CNTNAP2: variants seen among roughly 807,000 people sequenced by gnomAD.
The protein encoded by CNTNAP2 is contactin associated protein 2.
A neutral mutation model predicts 155.2 loss-of-function variants in CNTNAP2; 98 were observed. That is an observed-to-expected ratio of 0.63 (90% CI 0.54 to 0.75). The LOEUF (loss-of-function observed/expected upper bound fraction) is 0.75, where lower values mean the gene tolerates loss of function less well. CNTNAP2 is among the 30% of genes least tolerant of loss of function. The probability of loss-of-function intolerance (pLI) is 0.00; values close to 1 mark genes in which losing one functional copy is unlikely to be tolerated. For missense variants in CNTNAP2, 1,727 were observed against 1,688.1 expected (o/e 1.02, Z -0.40); for synonymous variants, 651 against 631.2 (o/e 1.03, Z -0.47).
intron 12 of CNTNAP2, among the ~76,000 whole-genome samples, chr7:147,627,249 C>T (rs1026184347): frequency 3.3e-5 from 5 of 152,134 alleles, no homozygotes; most frequent in African/African-American, 1.2e-4. Context: ...GGTAATGTAA[C>T]AAAACAAGGT....
At chr7:146,875,723 C>T (rs111614758) in intron 3 of CNTNAP2, among the ~76,000 whole-genome samples, 12 of 151,792 alleles carry the variant, frequency 7.9e-5, no homozygotes, top group African/African-American at 2.7e-4. Context: ...AACCCAGGTC[C>T]TTTATGACCT....
At chr7:148,358,850 T>C (rs868190815) in intron 21 of CNTNAP2, among the ~76,000 whole-genome samples, 10 of 152,186 alleles carry the variant, frequency 6.6e-5, no homozygotes, top group Admixed American at 1.3e-4. Context: ...GAATGTAAAT[T>C]GCTCAGCCTA....
intron 1 of CNTNAP2, among the ~76,000 whole-genome samples, chr7:146,145,482 G>A (rs1797945570): frequency 6.6e-6 from 1 of 152,224 alleles, no homozygotes. Flanking sequence ...AGACATTCGG[G>A]AAAGGTATTA....
intron 1 of CNTNAP2, among the ~76,000 whole-genome samples, chr7:146,165,386 C>T (rs957879275): frequency 1.3e-5 from 2 of 152,070 alleles, no homozygotes; most frequent in African/African-American, 4.8e-5. Flanking sequence ...ATGTTTGCTA[C>T]CAAACAGTCT....
chr7:146,149,689 G>A (rs949142902), intron 1 of CNTNAP2, among the ~76,000 whole-genome samples: 2 of 151,802 alleles, frequency 1.3e-5, no homozygotes, highest in African/African-American at 2.4e-5. Flanking sequence ...AGAAAACTTG[G>A]TATCCATATA....
intron 1 of CNTNAP2, among the ~76,000 whole-genome samples, chr7:146,247,761 T>G (rs1320268579): frequency 6.6e-6 from 1 of 151,842 alleles, no homozygotes; most frequent in East Asian, 1.9e-4. Context: ...TTAGGTCAGG[T>G]GAGAGGTGAA....
intron 3 of CNTNAP2, among the ~76,000 whole-genome samples, chr7:146,934,879 C>T (rs1435387577): frequency 6.6e-6 from 1 of 152,106 alleles, no homozygotes; most frequent in Non-Finnish European, 1.5e-5. Flanking sequence ...GAACAAATGC[C>T]ATGTAAACAG....
chr7:147,144,986 A>G (rs960763057), intron 8 of CNTNAP2, among the ~76,000 whole-genome samples: 5 of 152,220 alleles, frequency 3.3e-5, no homozygotes, highest in Admixed American at 6.5e-5. Flanking sequence ...TAATGTCTCC[A>G]TTTGCCACGT....
chr7:146,885,013 T>G (rs1795627907), intron 3 of CNTNAP2, among the ~76,000 whole-genome samples: 1 of 152,084 alleles, frequency 6.6e-6, no homozygotes, highest in Admixed American at 6.6e-5. Flanking sequence ...CTAATGAAAT[T>G]TTTTAAATGC....
intron 8 of CNTNAP2, among the ~76,000 whole-genome samples, chr7:147,198,232 C>CTTTTTTTTTTTTT (rs71525992): frequency 1.8e-5 from 2 of 113,094 alleles, no homozygotes; most frequent in Non-Finnish European, 3.5e-5. Flanking sequence ...TTCCAATATC[C>CTTTTTTTTTTTTT]TTTTTTTTTT....
intron 3 of CNTNAP2, among the ~76,000 whole-genome samples, chr7:146,937,075 C>T (rs1206527206): frequency 6.6e-6 from 1 of 151,998 alleles, no homozygotes; most frequent in East Asian, 1.9e-4. Flanking sequence ...AAAGTATGTT[C>T]TCACATCGAG....
chr7:147,362,823 G>A (rs906849370), intron 9 of CNTNAP2, among the ~76,000 whole-genome samples: 3 of 151,984 alleles, frequency 2.0e-5, no homozygotes, highest in Non-Finnish European at 4.4e-5. Context: ...AGAATTACTG[G>A]CATAATTTTT....
chr7:147,842,557 CTTTTT>C (rs1171642244), intron 13 of CNTNAP2, among the ~76,000 whole-genome samples: 1 of 87,582 alleles, frequency 1.1e-5, no homozygotes, highest in East Asian at 3.0e-4. Context: ...AGTTGCATTT[CTTTTT>C]TTTTTTTTTT....
chr7:147,311,419 A>G (rs1187488496), intron 9 of CNTNAP2, among the ~76,000 whole-genome samples: 1 of 152,152 alleles, frequency 6.6e-6, no homozygotes, highest in Non-Finnish European at 1.5e-5. Flanking sequence ...GCCAGTCTCT[A>G]GCAAAAATTG....
intron 1 of CNTNAP2, among the ~76,000 whole-genome samples, chr7:146,571,342 A>G (rs911600271): frequency 6.6e-6 from 1 of 152,148 alleles, no homozygotes; most frequent in Non-Finnish European, 1.5e-5. Context: ...ATTATTTTAC[A>G]TAATTATTAT....
intron 15 of CNTNAP2, among the ~76,000 whole-genome samples, chr7:148,110,409 G>A (rs905825396): frequency 2.0e-5 from 3 of 151,818 alleles, no homozygotes; most frequent in Non-Finnish European, 4.4e-5. Context: ...AGCAGCCCAG[G>A]GACTCACTTC....
chr7:146,704,152 C>CT (rs1800923886), intron 1 of CNTNAP2, among the ~76,000 whole-genome samples: 1 of 151,994 alleles, frequency 6.6e-6, no homozygotes, highest in African/African-American at 2.4e-5. Context: ...GAGAGACAAC[C>CT]TTTTTTGCAT....
At chr7:147,903,000 A>G (rs551788771) in intron 13 of CNTNAP2, among the ~76,000 whole-genome samples, 1 of 149,668 alleles carries the variant, frequency 6.7e-6, no homozygotes, top group Non-Finnish European at 1.5e-5. Flanking sequence ...CATTTGTGGG[A>G]CTGCTGGATC....
intron 13 of CNTNAP2, among the ~76,000 whole-genome samples, chr7:147,789,958 C>T (rs539798603): frequency 6.6e-6 from 1 of 152,304 alleles, no homozygotes; most frequent in South Asian, 2.1e-4. Context: ...TTCCTTGCTC[C>T]TCAGCTTGCA....
Sources: gnomAD v4.1 joint callset for allele counts (sites outside exome capture counted in the v4.1 genomes callset) on GRCh38, gnomAD v4.1.1 for gene constraint, MANE v1.5 for transcripts, NCBI Gene and HGNC (gene_info 2026-07-23, HGNC 2026-07-21) for gene names.